ANAPC5: variants seen among roughly 807,000 people sequenced by gnomAD.
ANAPC5 encodes the protein anaphase promoting complex subunit 5.
In ANAPC5, 60 loss-of-function variants were observed where a neutral mutation model predicts 91.3. The observed-to-expected ratio is 0.66, with a 90% CI of 0.53 to 0.81. The LOEUF is 0.81. Ranked by LOEUF, ANAPC5 falls within the 40% of genes least tolerant of loss-of-function variation. The pLI, the probability that ANAPC5 is intolerant of heterozygous loss-of-function variation, is 0.00. For synonymous variants in ANAPC5, 340 were observed against 364.1 expected (o/e 0.93, Z 0.75); for missense variants, 690 against 931.5 (o/e 0.74, Z 3.37).
chr12:121,326,974 T>C, intron 11 of ANAPC5, 122 bp downstream of exon 11: 1 of 1,324,786 alleles, frequency 7.5e-7, no homozygotes. Context: ...ATTTCACTCT[T>C]TCAGCCACAG....
At chr12:121,347,148 C>G (rs886778562) in intron 2 of ANAPC5, 143 bp from the exon 3 acceptor site, 10 of 530,956 alleles carry the variant, frequency 1.9e-5, no homozygotes, top group Non-Finnish European at 3.3e-5. Flanking sequence ...AAACAAACTT[C>G]ATAATTCAAA....
intron 15 of ANAPC5, among the ~76,000 whole-genome samples, chr12:121,313,147 G>A (rs1368688860): frequency 2.6e-5 from 4 of 151,990 alleles, no homozygotes; most frequent in African/African-American, 9.7e-5. Context: ...CCAACATGGC[G>A]AAACCCCGTC....
chr12:121,338,870 ATACAT>A (rs1419545658), intron 5 of ANAPC5, among the ~76,000 whole-genome samples: 1 of 151,978 alleles, frequency 6.6e-6, no homozygotes, highest in Non-Finnish European at 1.5e-5. Flanking sequence ...TATATTGTGT[ATACAT>A]TACATTTTTA....
intron 4 of ANAPC5, among the ~76,000 whole-genome samples, chr12:121,344,995 TAAGTC>T (rs1903608819): frequency 6.6e-6 from 1 of 152,130 alleles, no homozygotes; most frequent in Non-Finnish European, 1.5e-5. Flanking sequence ...AGACAGGAGT[TAAGTC>T]AAGGAGAAAA....
chr12:121,352,034 T>C, intron 1 of ANAPC5, 100 bp downstream of exon 1: 1 of 1,060,582 alleles, frequency 9.4e-7, no homozygotes, highest in Admixed American at 2.9e-5. Context: ...GCAGGGAGAG[T>C]ATCTGATGGA....
chr12:121,321,065 C>G (rs567521699), intron 11 of ANAPC5: 1 of 152,136 alleles, frequency 6.6e-6, no homozygotes, highest in Non-Finnish European at 1.5e-5. Context: ...GCCTGACCAA[C>G]ATGGAGAAAC....
At chr12:121,346,172 C>T in intron 3 of ANAPC5, 141 bp from the exon 4 acceptor site, 2 of 676,840 alleles carry the variant, frequency 3.0e-6, no homozygotes, top group Non-Finnish European at 4.9e-6. Context: ...TTGCCATTCC[C>T]TCCTCCTGGA....
At chr12:121,314,723 C>G (rs1902288287) in intron 15 of ANAPC5, among the ~76,000 whole-genome samples, 1 of 151,612 alleles carries the variant, frequency 6.6e-6, no homozygotes, top group African/African-American at 2.4e-5. Context: ...GGACTGAGTT[C>G]AAGTGATTCT....
chr12:121,351,883 T>C (rs1267360422), intron 1 of ANAPC5, among the ~76,000 whole-genome samples: 1 of 151,626 alleles, frequency 6.6e-6, no homozygotes, highest in African/African-American at 2.4e-5. Context: ...TCTGAGACTC[T>C]AACTCTCAGC....
At chr12:121,312,889 AT>A (rs1194727906) in intron 15 of ANAPC5, among the ~76,000 whole-genome samples, 1 of 151,798 alleles carries the variant, frequency 6.6e-6, no homozygotes, top group Non-Finnish European at 1.5e-5. Flanking sequence ...CAAAAAAAAA[AT>A]ACACAGACTC....
At chr12:121,338,458 GC>G (rs1205766438) in intron 5 of ANAPC5, among the ~76,000 whole-genome samples, 1 of 151,714 alleles carries the variant, frequency 6.6e-6, no homozygotes, top group Non-Finnish European at 1.5e-5. Context: ...GTGTGGTGGC[GC>G]ACACCTGTAA....
At chr12:121,321,668 G>A (rs2136771272) in intron 11 of ANAPC5, among the ~76,000 whole-genome samples, 1 of 151,244 alleles carries the variant, frequency 6.6e-6, no homozygotes, top group South Asian at 2.1e-4. Context: ...CTCCCGAGTA[G>A]CTGGAATTAC....
At chr12:121,339,338 A>T (rs1476351623) in intron 5 of ANAPC5, among the ~76,000 whole-genome samples, 5 of 152,104 alleles carry the variant, frequency 3.3e-5, no homozygotes, top group African/African-American at 1.2e-4. Flanking sequence ...GGCATGAGCC[A>T]CTGTGCCCGG....
At chr12:121,335,001 G>T (rs1593594445) in intron 7 of ANAPC5, 1 of 152,246 alleles carries the variant, frequency 6.6e-6, no homozygotes, top group Non-Finnish European at 1.5e-5. Flanking sequence ...TGCCAATAAG[G>T]TTCCCTCTAT....
At chr12:121,346,862 A>G (rs782684542) in intron 3 of ANAPC5, 34 bp downstream of exon 3, 6 of 1,389,368 alleles carry the variant, frequency 4.3e-6, no homozygotes, top group African/African-American at 1.5e-5. Context: ...CTTCAATGAA[A>G]ATACTCTCTG....
At chr12:121,336,589 G>T (rs1389782693) in intron 6 of ANAPC5, among the ~76,000 whole-genome samples, 1 of 152,178 alleles carries the variant, frequency 6.6e-6, no homozygotes, top group Non-Finnish European at 1.5e-5. Context: ...TGAGGCAGGA[G>T]AATCACTGAG....
chr12:121,318,675 A>T, intron 13 of ANAPC5, 67 bp from the exon 14 acceptor site: 1 of 1,362,118 alleles, frequency 7.3e-7, no homozygotes. Context: ...ATCTCAATTT[A>T]TTCAATTGCG....
chr12:121,312,117 G>C (rs1204169939), intron 15 of ANAPC5, among the ~76,000 whole-genome samples: 2 of 152,110 alleles, frequency 1.3e-5, no homozygotes, highest in African/African-American at 2.4e-5. Context: ...ATCATACAAA[G>C]AATCTCCTCT....
chr12:121,338,997 T>C (rs528119404), intron 5 of ANAPC5, among the ~76,000 whole-genome samples: 1 of 151,802 alleles, frequency 6.6e-6, no homozygotes, highest in Non-Finnish European at 1.5e-5. Context: ...CTTTATTTCC[T>C]GTTCTTTTCA....
Sources: allele counts gnomAD v4.1 joint callset (sites outside exome capture counted in the v4.1 genomes callset), GRCh38; gene constraint gnomAD v4.1.1; transcripts MANE v1.5; gene names NCBI Gene and HGNC (gene_info 2026-07-23, HGNC 2026-07-21).